CNTN5: variants seen among roughly 807,000 people sequenced by gnomAD.
CNTN5 encodes contactin 5, also known as contactin-5.
In CNTN5, 77 loss-of-function variants were observed where a neutral mutation model predicts 129.1. The observed-to-expected ratio is 0.60, with a 90% CI of 0.50 to 0.72. The LOEUF (loss-of-function observed/expected upper bound fraction) is 0.72. Ranked by LOEUF, CNTN5 falls within the 30% of genes least tolerant of loss-of-function variation. The probability of loss-of-function intolerance (pLI) is 0.00; values close to 1 mark genes in which losing one functional copy is unlikely to be tolerated. For missense variants in CNTN5, 1,478 were observed against 1,328.8 expected (o/e 1.11, Z -1.75); for synonymous variants, 509 against 465.6 (o/e 1.09, Z -1.20).
Position 99,379,048 on chromosome 11 carries a change from A to T in CNTN5, c.-71+53564A>T, listed in dbSNP as rs1337666830. Among the ~76,000 whole-genome samples, 3 of 151,940 alleles carry T rather than the reference A, an allele frequency of 2.0e-5. No homozygotes were observed. In the East Asian group the frequency reaches 5.8e-4, roughly 29 times the overall value. The stretch of plus-strand genomic sequence containing the variant: ...TAAAATAGCACTCATCTCTATGCCT[A>T]TTGCCTATTTAATTTTCTAGTCTGT... On this transcript the variant is annotated intron_variant, in intron 2 of 24. Coordinates refer to ENST00000524871, the MANE Select transcript of CNTN5 (RefSeq NM_014361.4).
intron 17 of CNTN5, among the ~76,000 whole-genome samples, chr11:100,265,737 C>G (rs995368816): frequency 6.6e-6 from 1 of 151,996 alleles, no homozygotes; most frequent in Non-Finnish European, 1.5e-5. Context: ...GTATGAATAC[C>G]GCCTCCTGCA....
chr11:99,817,596 G>GTTTTTTTT (rs372057505), intron 3 of CNTN5, among the ~76,000 whole-genome samples: 11 of 99,622 alleles, frequency 1.1e-4, no homozygotes, highest in Middle Eastern at 7.4e-3. Flanking sequence ...GTCTGGGATA[G>GTTTTTTTT]TTTTTTTTTT....
intron 2 of CNTN5, among the ~76,000 whole-genome samples, chr11:99,329,490 T>C (rs377483100): frequency 7.2e-4 from 109 of 152,272 alleles, no homozygotes; most frequent in African/African-American, 2.4e-3. Flanking sequence ...AATGGAACTC[T>C]TAGTCTGAAG....
chr11:99,445,064 T>G (rs895063428), intron 2 of CNTN5, among the ~76,000 whole-genome samples: 2 of 148,328 alleles, frequency 1.3e-5, no homozygotes, highest in East Asian at 1.9e-4. Flanking sequence ...ATTTATATAT[T>G]TATATATACA....
rs764850156 is a variant in CNTN5 at position 99,956,837 on chromosome 11, C to A, written c.705C>A (p.Phe235Leu). Reference protein sequence around the residue: ...EIIYSWVFNEFPSFVAEDSRR... With the variant: ...EIIYSWVFNELPSFVAEDSRR... ...TCTATAGCTGGGTATTTAATGAGTT[C>A]CCTTCCTTTGTGGCGGAAGACAGCC... Residue 235 changes from phenylalanine (F) to leucine (L), a missense_variant, in exon 8 of 25, where the codon TTC becomes TTA. By Grantham distance (22) the Phe-to-Leu change is conservative. Coordinates refer to ENST00000524871, the MANE Select transcript of CNTN5 (RefSeq NM_014361.4). 2 of 1,613,840 alleles carry A rather than the reference C, an allele frequency of 1.2e-6. No individual in the cohort carries two copies. Among genetic ancestry groups the A allele is most frequent in the Admixed American group, 1.7e-5 (1 of 60,018 alleles).
chr11:99,389,019 T>TATTTTATTTTATTTA, intron 2 of CNTN5, among the ~76,000 whole-genome samples: 1 of 149,530 alleles, frequency 6.7e-6, no homozygotes, highest in Non-Finnish European at 1.5e-5. Flanking sequence ...TATTTTATTT[T>TATTTTATTTTATTTA]ATTTTATTTT....
At chr11:99,983,538 C>A (rs1230405380) in intron 8 of CNTN5, among the ~76,000 whole-genome samples, 1 of 152,082 alleles carries the variant, frequency 6.6e-6, no homozygotes, top group African/African-American at 2.4e-5. Flanking sequence ...GTTTGCTGTC[C>A]CTTTTTGCTT....
chr11:99,541,554 T>C (rs1948107137), intron 2 of CNTN5, among the ~76,000 whole-genome samples: 1 of 152,086 alleles, frequency 6.6e-6, no homozygotes, highest in Non-Finnish European at 1.5e-5. Flanking sequence ...CTCTGACACC[T>C]GTGAAAAGGA....
intron 3 of CNTN5, among the ~76,000 whole-genome samples, chr11:99,756,308 T>A (rs1944401884): frequency 1.3e-5 from 2 of 152,130 alleles, no homozygotes; most frequent in Admixed American, 6.6e-5. Context: ...GATCTCTACC[T>A]ATGTTTTTTT....
At chr11:99,953,250 A>AT (rs1262795375) in intron 7 of CNTN5, among the ~76,000 whole-genome samples, 2 of 152,164 alleles carry the variant, frequency 1.3e-5, no homozygotes, top group African/African-American at 2.4e-5. Flanking sequence ...AGATGTGGAA[A>AT]TGCGTCACTT....
chr11:99,841,000 C>T (rs933550675), intron 4 of CNTN5, among the ~76,000 whole-genome samples: 2 of 151,974 alleles, frequency 1.3e-5, no homozygotes, highest in East Asian at 1.9e-4. Context: ...GGAAGCTGTA[C>T]GTAGACATGT....
At chr11:100,249,266 G>A (rs1395704192) in intron 16 of CNTN5, among the ~76,000 whole-genome samples, 4 of 152,014 alleles carry the variant, frequency 2.6e-5, no homozygotes, top group Non-Finnish European at 5.9e-5. Context: ...ATTGCTTCTC[G>A]AAGGAAGATT....
chr11:100,157,104 T>C (rs920197168), intron 13 of CNTN5, among the ~76,000 whole-genome samples: 2 of 152,006 alleles, frequency 1.3e-5, no homozygotes, highest in African/African-American at 4.8e-5. Flanking sequence ...ATTTTAGATC[T>C]TCCCTGCTTT....
intron 2 of CNTN5, among the ~76,000 whole-genome samples, chr11:99,448,106 T>G (rs949749573): frequency 2.0e-5 from 3 of 152,156 alleles, no homozygotes; most frequent in Non-Finnish European, 4.4e-5. Flanking sequence ...TATATCTATA[T>G]ATTTGAATTT....
chr11:99,978,716 A>C (rs539339343), intron 8 of CNTN5, among the ~76,000 whole-genome samples: 1 of 152,308 alleles, frequency 6.6e-6, no homozygotes, highest in African/African-American at 2.4e-5. Context: ...CTGATGTTTT[A>C]ACAGCAACGA....
At chr11:99,238,854 T>G (rs1861407382) in intron 1 of CNTN5, among the ~76,000 whole-genome samples, 1 of 152,090 alleles carries the variant, frequency 6.6e-6, no homozygotes, top group African/African-American at 2.4e-5. Flanking sequence ...TAAATAAAAA[T>G]TCATAGATGC....
intron 2 of CNTN5, among the ~76,000 whole-genome samples, chr11:99,326,099 T>C (rs538428326): frequency 6.6e-6 from 1 of 152,306 alleles, no homozygotes; most frequent in East Asian, 1.9e-4. Context: ...TGAGTGAAAC[T>C]GGGCATTGTG....
At chr11:99,953,899 T>C (rs1950734671) in intron 7 of CNTN5, among the ~76,000 whole-genome samples, 1 of 152,170 alleles carries the variant, frequency 6.6e-6, no homozygotes, top group South Asian at 2.1e-4. Context: ...GGTGTTTTAG[T>C]CATGACTTCT....
Position 99,203,924 on chromosome 11 carries a change from C to T in CNTN5, c.-209-121422C>T, listed in dbSNP as rs116021581. ...CATATAACATTTCTTAAGGCAAGTG[C>T]CATTCCATCTATGTCATATCTCTAC... On this transcript the variant is annotated intron_variant, in intron 1 of 24. Coordinates refer to ENST00000524871, the MANE Select transcript of CNTN5 (RefSeq NM_014361.4). Among the ~76,000 whole-genome samples, 694 of 152,174 alleles carry T rather than the reference C, an allele frequency of 4.6e-3. 8 individuals carry two copies. The highest frequency in any genetic ancestry group is 0.014 in the African/African-American group (597 of 41,536).
Sources: gnomAD v4.1 joint callset for allele counts (sites outside exome capture counted in the v4.1 genomes callset) on GRCh38, gnomAD v4.1.1 for gene constraint, MANE v1.5 for transcripts, NCBI Gene and HGNC (gene_info 2026-07-23, HGNC 2026-07-21) for gene names.